Variants in USH2A observed in about 807,000 individuals in gnomAD.
The protein encoded by USH2A is usherin, also known as Usher syndrome 2A (autosomal recessive, mild).
A neutral mutation model predicts 538.9 loss-of-function variants in USH2A; 443 were observed. That is an observed-to-expected ratio of 0.82 (90% CI 0.76 to 0.89). USH2A has a LOEUF of 0.89. USH2A is among the 40% of genes least tolerant of loss of function. USH2A has a pLI of 0.00. For missense variants in USH2A, 6,633 were observed against 6,324.8 expected, an observed-to-expected ratio of 1.05 and a Z score of -1.65; for synonymous variants, 2,413 against 2,273.5, an observed-to-expected ratio of 1.06 and a Z score of -1.75.
At chr1:216,141,630 A>C (rs1029355663) in intron 21 of USH2A, among the ~76,000 whole-genome samples, 3 of 152,180 alleles carry the variant, frequency 2.0e-5, no homozygotes, top group Non-Finnish European at 4.4e-5. Flanking sequence ...GTCTATACCT[A>C]GCATTGGAGT....
At chr1:216,372,174 G>T (rs1457317367) in intron 3 of USH2A, among the ~76,000 whole-genome samples, 6 of 152,230 alleles carry the variant, frequency 3.9e-5, no homozygotes, top group Non-Finnish European at 5.9e-5. Context: ...CTATGTTAAA[G>T]GTGCTATGGA....
chr1:216,205,120 T>C (rs1367014568), intron 16 of USH2A, among the ~76,000 whole-genome samples: 1 of 152,192 alleles, frequency 6.6e-6, no homozygotes, highest in Middle Eastern at 3.2e-3. Context: ...AATAATATCA[T>C]TGATAGTTTT....
chr1:215,843,348 A>AT (rs906045548), intron 46 of USH2A, among the ~76,000 whole-genome samples: 26 of 151,680 alleles, frequency 1.7e-4, no homozygotes, highest in South Asian at 1.0e-3. Flanking sequence ...AAATACTCTG[A>AT]TTTTTTTTTA....
chr1:215,848,119 AT>A (rs1375946653), intron 44 of USH2A, among the ~76,000 whole-genome samples: 3 of 152,170 alleles, frequency 2.0e-5, no homozygotes, highest in Non-Finnish European at 4.4e-5. Context: ...TTCCTGAATG[AT>A]AATATTCGTC....
At chr1:215,978,465 C>A (rs1328003256) in intron 35 of USH2A, among the ~76,000 whole-genome samples, 1 of 151,840 alleles carries the variant, frequency 6.6e-6, no homozygotes, top group African/African-American at 2.4e-5. Flanking sequence ...TCAAGATAAG[C>A]CTAATAAAAA....
At position 216,381,112 on chromosome 1, in the gene USH2A, G is replaced by C. The variant is rs140183670; in HGVS notation, c.652-16027C>G. On this transcript the variant is annotated intron_variant, in intron 3 of 71. Transcript: ENST00000307340. The stretch of plus-strand genomic sequence containing the variant: ...AGAAAAGGAGAGAAGAAATTAGTGT[G>C]TTTTACAGAGGAAGTTGTATTTGTG... Among the ~76,000 whole-genome samples the C allele has an allele frequency of 3.5e-3, 533 of 152,204 alleles. 3 individuals carry two copies. The highest frequency in any genetic ancestry group is 0.012 in the African/African-American group (517 of 41,544).
At chr1:216,375,719 G>C (rs1219007185) in intron 3 of USH2A, among the ~76,000 whole-genome samples, 2 of 152,132 alleles carry the variant, frequency 1.3e-5, no homozygotes, top group Non-Finnish European at 2.9e-5. Context: ...TTTGGTGCAA[G>C]AGGACTAGCT....
At position 216,198,449 on chromosome 1, in the gene USH2A, G is replaced by A. The variant is rs2034903947; in HGVS notation, c.3947C>T (p.Ala1316Val). The A allele has an allele frequency of 6.2e-7, 1 of 1,614,000 alleles. No homozygotes were observed. Among genetic ancestry groups the A allele is most frequent in the African/African-American group, 1.3e-5 (1 of 75,026 alleles). ...TGTCATTGTTTGAGGAGGTTTTAAT[G>A]CATTTTCATTGGCCGATTCTACAAA... is the stretch of plus-strand genomic sequence containing the variant. ...HSFVESANENALKPPQTMTTI... is the reference protein window; with the variant it reads ...HSFVESANENVLKPPQTMTTI... Residue 1316 changes from alanine (A) to valine (V), a missense_variant, in exon 18 of 72, where the codon GCA becomes GTA. By Grantham distance (64) the Ala-to-Val change is moderately conservative. Coordinates refer to ENST00000307340, the MANE Select transcript of USH2A (RefSeq NM_206933.4).
intron 3 of USH2A, among the ~76,000 whole-genome samples, chr1:216,381,075 G>A (rs2038914764): frequency 6.6e-6 from 1 of 152,116 alleles, no homozygotes; most frequent in South Asian, 2.1e-4. Context: ...AAGTGCTATA[G>A]GAGCAGAGAG....
chr1:216,207,152 T>G (rs2035131495), intron 16 of USH2A, 121 bp downstream of exon 16: 2 of 1,229,868 alleles, frequency 1.6e-6, no homozygotes, highest in Middle Eastern at 2.6e-4. Context: ...TTTATCTCTG[T>G]TTGAAACACT....
At chr1:216,387,447 G>A (rs745909276) in intron 3 of USH2A, among the ~76,000 whole-genome samples, 3 of 152,154 alleles carry the variant, frequency 2.0e-5, no homozygotes, top group Non-Finnish European at 4.4e-5. Context: ...AAATGTTTCT[G>A]TGTGAAATAT....
At chr1:215,800,660 G>T (rs1277531542) in intron 49 of USH2A, among the ~76,000 whole-genome samples, 1 of 151,856 alleles carries the variant, frequency 6.6e-6, no homozygotes. Flanking sequence ...TAAAAATATG[G>T]GACAATATTT....
intron 20 of USH2A, among the ~76,000 whole-genome samples, chr1:216,184,280 T>C (rs76100269): frequency 0.013 from 2,028 of 152,174 alleles, 46 homozygotes; most frequent in African/African-American, 0.044. Flanking sequence ...AGCAAATTCA[T>C]TTCAGCTCGC....
intron 38 of USH2A, among the ~76,000 whole-genome samples, chr1:215,926,378 A>G (rs4578187): frequency 0.046 from 6,960 of 152,202 alleles, 207 homozygotes; most frequent in Admixed American, 0.085. Context: ...AAATAAGTTC[A>G]CTGAGCAAGT....
At chr1:215,628,043 C>T (rs1205843303) in intron 71 of USH2A, among the ~76,000 whole-genome samples, 3 of 152,120 alleles carry the variant, frequency 2.0e-5, no homozygotes, top group Non-Finnish European at 4.4e-5. Context: ...AAAGATGAAG[C>T]TTATAAATAG....
At chr1:216,192,893 T>C (rs1213536670) in intron 19 of USH2A, among the ~76,000 whole-genome samples, 1 of 152,074 alleles carries the variant, frequency 6.6e-6, no homozygotes, top group Admixed American at 6.6e-5. Flanking sequence ...AATAATAATG[T>C]GTCAATATTT....
intron 21 of USH2A, among the ~76,000 whole-genome samples, chr1:216,165,728 G>A (rs933065285): frequency 4.0e-5 from 6 of 151,226 alleles, no homozygotes; most frequent in African/African-American, 7.3e-5. Flanking sequence ...GTCTTATGCC[G>A]TGCAAGACAC....
chr1:215,956,904 A>G (rs1174500892), intron 37 of USH2A, among the ~76,000 whole-genome samples: 1 of 152,216 alleles, frequency 6.6e-6, no homozygotes, highest in Admixed American at 6.5e-5. Context: ...ATATACAATC[A>G]GAAGTGTCAA....
chr1:215,894,247 C>G (rs1340408959), intron 40 of USH2A, among the ~76,000 whole-genome samples: 2 of 152,140 alleles, frequency 1.3e-5, no homozygotes, highest in Non-Finnish European at 2.9e-5. Flanking sequence ...ATATGTTCCA[C>G]TCTCATTTAA....
Sources: gnomAD v4.1 joint callset for allele counts (sites outside exome capture counted in the v4.1 genomes callset) on GRCh38, gnomAD v4.1.1 for gene constraint, MANE v1.5 for transcripts, NCBI Gene and HGNC (gene_info 2026-07-23, HGNC 2026-07-21) for gene names.